HOOK3: variants seen among roughly 807,000 people sequenced by gnomAD.
HOOK3 encodes the protein hook microtubule tethering protein 3, also known as protein Hook homolog 3.
A neutral mutation model predicts 116.3 loss-of-function variants in HOOK3; 24 were observed. The ratio of observed to expected loss-of-function variants is 0.21; its 90% confidence interval spans 0.15 to 0.29. HOOK3 has a LOEUF of 0.29. Among genes scored for constraint, HOOK3 ranks in the 10% least tolerant of loss-of-function variants. The pLI, the probability that HOOK3 is intolerant of heterozygous loss-of-function variation, is 1.00. For synonymous variants in HOOK3, 275 were observed against 283.0 expected (o/e 0.97, Z 0.28); for missense variants, 632 against 830.2 (o/e 0.76, Z 2.93).
chr8:42,962,861 G>A (rs1317878942), intron 8 of HOOK3, among the ~76,000 whole-genome samples: 1 of 143,832 alleles, frequency 7.0e-6, no homozygotes, highest in Non-Finnish European at 1.5e-5. Context: ...GAGTGCAATG[G>A]CACGATCTTA....
chr8:42,937,287 T>C (rs369534327), intron 4 of HOOK3, among the ~76,000 whole-genome samples: 2 of 152,018 alleles, frequency 1.3e-5, no homozygotes, highest in African/African-American at 2.4e-5. Flanking sequence ...TTTTCTTCTT[T>C]ATTAGTCTGG....
intron 2 of HOOK3, among the ~76,000 whole-genome samples, chr8:42,924,796 A>C (rs1462666629): frequency 6.6e-6 from 1 of 152,022 alleles, no homozygotes; most frequent in African/African-American, 2.4e-5. Context: ...AACATGGTGA[A>C]ACCACGTCTC....
intron 6 of HOOK3, among the ~76,000 whole-genome samples, chr8:42,954,138 TAGAA>T (rs1408988198): frequency 8.5e-5 from 13 of 152,292 alleles, no homozygotes; most frequent in Admixed American, 4.6e-4. Context: ...AAAAGGTAGA[TAGAA>T]AGCACATGAA....
intron 21 of HOOK3, among the ~76,000 whole-genome samples, chr8:43,016,468 A>G (rs985409492): frequency 1.3e-5 from 2 of 152,216 alleles, no homozygotes; most frequent in African/African-American, 4.8e-5. Context: ...AATAACTCCA[A>G]ATAGACTCCC....
At chr8:43,005,748 C>G (rs1809472575) in intron 17 of HOOK3, among the ~76,000 whole-genome samples, 1 of 151,236 alleles carries the variant, frequency 6.6e-6, no homozygotes. Context: ...CCAGGCTGGA[C>G]TGCAGTGGCA....
At chr8:42,996,858 C>A (rs1411093714) in intron 15 of HOOK3, among the ~76,000 whole-genome samples, 3 of 149,942 alleles carry the variant, frequency 2.0e-5, no homozygotes, top group Admixed American at 1.3e-4. Flanking sequence ...ACACTTTTTC[C>A]TCCCCACTAG....
chr8:42,958,688 C>T (rs1222984545), intron 7 of HOOK3, among the ~76,000 whole-genome samples: 1 of 144,124 alleles, frequency 6.9e-6, no homozygotes, highest in Non-Finnish European at 1.5e-5. Flanking sequence ...TGGTGGTTTG[C>T]TGTACCTATC....
chr8:42,919,044 G>T (rs1459872238), intron 2 of HOOK3, among the ~76,000 whole-genome samples: 1 of 148,444 alleles, frequency 6.7e-6, no homozygotes, highest in Non-Finnish European at 1.5e-5. Flanking sequence ...GCCGGGCGGG[G>T]GCTGCCCCCC....
chr8:42,930,788 C>G (rs1028014203), intron 4 of HOOK3, among the ~76,000 whole-genome samples: 8 of 152,148 alleles, frequency 5.3e-5, no homozygotes, highest in Non-Finnish European at 1.5e-5. Flanking sequence ...AAGCCCAGAA[C>G]CTAGAAAGCC....
At chr8:43,002,983 TGAA>T (rs1026931138) in intron 17 of HOOK3, among the ~76,000 whole-genome samples, 4 of 152,178 alleles carry the variant, frequency 2.6e-5, no homozygotes, top group Non-Finnish European at 5.9e-5. Flanking sequence ...TTTTTTTTCA[TGAA>T]GAAGAAGTCT....
intron 12 of HOOK3, 46 bp downstream of exon 12, chr8:42,973,445 T>A (rs1334693280): frequency 1.7e-6 from 2 of 1,207,022 alleles, no homozygotes; most frequent in Non-Finnish European, 2.3e-6. Context: ...CTGCTAAAAT[T>A]AAGGCGATTA....
intron 2 of HOOK3, among the ~76,000 whole-genome samples, chr8:42,915,076 G>A (rs1383828962): frequency 6.6e-6 from 1 of 152,174 alleles, no homozygotes; most frequent in Non-Finnish European, 1.5e-5. Context: ...ATTTTCCCTA[G>A]ATAAGGAGTT....
At chr8:42,972,163 T>C (rs1319639232) in intron 11 of HOOK3, among the ~76,000 whole-genome samples, 1 of 152,208 alleles carries the variant, frequency 6.6e-6, no homozygotes, top group Admixed American at 6.5e-5. Context: ...GCCTTTGTAA[T>C]TTTGGATTTT....
At chr8:42,909,852 CA>C (rs1807388293) in intron 2 of HOOK3, among the ~76,000 whole-genome samples, 1 of 152,206 alleles carries the variant, frequency 6.6e-6, no homozygotes, top group African/African-American at 2.4e-5. Context: ...GACAGAAAGA[CA>C]AACACCATCT....
At chr8:42,970,708 C>T (rs532418124) in intron 11 of HOOK3, among the ~76,000 whole-genome samples, 12 of 150,252 alleles carry the variant, frequency 8.0e-5, no homozygotes, top group Non-Finnish European at 1.6e-4. Flanking sequence ...GCCAAATTCT[C>T]ATATTACTTC....
intron 17 of HOOK3, among the ~76,000 whole-genome samples, chr8:43,007,260 C>T (rs527373431): frequency 1.3e-4 from 20 of 152,106 alleles, no homozygotes; most frequent in Middle Eastern, 3.4e-3. Flanking sequence ...TCAAGTGATC[C>T]GCCTGCCAAG....
At chr8:42,903,681 C>T (rs1203004393) in intron 1 of HOOK3, among the ~76,000 whole-genome samples, 1 of 146,634 alleles carries the variant, frequency 6.8e-6, no homozygotes, top group Non-Finnish European at 1.5e-5. Context: ...TGAGGTCGGG[C>T]GTGGTGGCTC....
intron 4 of HOOK3, among the ~76,000 whole-genome samples, chr8:42,939,561 C>T (rs373887947): frequency 1.4e-4 from 20 of 147,080 alleles, no homozygotes; most frequent in South Asian, 8.7e-4. Flanking sequence ...GGCGGCTGGC[C>T]GAGCGGGGGG....
rs546464752 is a variant in HOOK3 at position 42,901,933 on chromosome 8, C to T, written c.58-4240C>T. ...CTATGTTGGTCAGGCTGGTCTTGAA[C>T]TCCTGACCTCAAGATCCACCCGCCT... On this transcript the variant is annotated intron_variant, in intron 1 of 21. Transcript: ENST00000307602. Among the ~76,000 whole-genome samples, 16 of 152,300 alleles carry T rather than the reference C, an allele frequency of 1.1e-4. No homozygotes were observed. In the South Asian group the frequency reaches 3.3e-3, roughly 32 times the overall value.
Sources: gnomAD v4.1 joint callset for allele counts (sites outside exome capture counted in the v4.1 genomes callset) on GRCh38, gnomAD v4.1.1 for gene constraint, MANE v1.5 for transcripts, NCBI Gene and HGNC (gene_info 2026-07-23, HGNC 2026-07-21) for gene names.